The following NPAS3 variants were observed in gnomAD, a reference collection of about 807,000 sequenced individuals.
NPAS3 encodes neuronal PAS domain protein 3.
A neutral mutation model predicts 73.1 loss-of-function variants in NPAS3; 14 were observed. The ratio of observed to expected loss-of-function variants is 0.19; its 90% CI spans 0.13 to 0.30. NPAS3 has a LOEUF of 0.30. NPAS3 is among the 10% of genes least tolerant of loss of function. The pLI is 1.00. For missense variants in NPAS3, 1,096 were observed against 1,250.0 expected (o/e 0.88, Z 1.86); for synonymous variants, 620 against 541.5 (o/e 1.14, Z -2.01).
At chr14:33,219,658 T>A (rs541058329) in intron 3 of NPAS3, among the ~76,000 whole-genome samples, 1 of 152,276 alleles carries the variant, frequency 6.6e-6, no homozygotes, top group African/African-American at 2.4e-5. Flanking sequence ...CTTGCAGGCT[T>A]GTATTTAAGC....
At position 33,568,883 on chromosome 14, in the gene NPAS3, C is replaced by T. The variant is rs190381675; in HGVS notation, c.558+8673C>T. Among the ~76,000 whole-genome samples the T allele has an allele frequency of 8.5e-5, 13 of 152,302 alleles. No homozygotes were observed. In the East Asian group the frequency reaches 2.5e-3, roughly 29 times the overall value. On this transcript the variant is annotated intron_variant, in intron 5 of 11. Transcript: ENST00000356141. ...GCTTTTTATCTTTCATCCTCACTCC[C>T]TTCTTTGGAATGACAGTCCAAAGAT... is the stretch of plus-strand genomic sequence containing the variant.
chr14:33,327,505 A>G lies in NPAS3; in HGVS notation c.386-39681A>G, dbSNP rs1489901020. Among the ~76,000 whole-genome samples the G allele has an allele frequency of 3.9e-5, 6 of 152,248 alleles. No homozygotes were observed. The East Asian group carries it at 1.2e-3, about 29-fold the overall frequency. Reference sequence around the variant, plus strand: ...AGGAAGTGGTCTGTTCCTCTGGGATATGGTGCAGGAAACTTAAAGCATATA... The same window carrying G: ...AGGAAGTGGTCTGTTCCTCTGGGATGTGGTGCAGGAAACTTAAAGCATATA... On this transcript the variant is annotated intron_variant, in intron 3 of 11. Coordinates refer to ENST00000356141, the Ensembl canonical transcript of NPAS3.
intron 5 of NPAS3, among the ~76,000 whole-genome samples, chr14:33,612,818 G>C (rs1441279627): frequency 6.6e-6 from 1 of 152,094 alleles, no homozygotes; most frequent in Non-Finnish European, 1.5e-5. Flanking sequence ...TCCTAGGATG[G>C]GAAATCTGAG....
chr14:33,539,927 C>T (rs2054433662), intron 4 of NPAS3, among the ~76,000 whole-genome samples: 1 of 152,192 alleles, frequency 6.6e-6, no homozygotes, highest in African/African-American at 2.4e-5. Context: ...TAAATTTCCT[C>T]AAACTTGACC....
Position 33,794,056 on chromosome 14 carries a change from ACTT to A in NPAS3, c.1301+16_1301+18del, listed in dbSNP as rs1566549070. On this transcript the variant is annotated intron_variant, in intron 10 of 11. Coordinates refer to ENST00000356141, the Ensembl canonical transcript of NPAS3. ...AATTACCTTCTTAGGTATATTTTCTACTTCTTTTCTATTTCTGTCCTGGTTATA... is the reference window on the plus strand; with the variant it reads ...AATTACCTTCTTAGGTATATTTTCTACTTTTCTATTTCTGTCCTGGTTATA... The A allele has an allele frequency of 9.3e-6, 15 of 1,607,152 alleles. No individual in the cohort carries two copies. Among genetic ancestry groups the A allele is most frequent in the Non-Finnish European group, 1.3e-5 (15 of 1,176,114 alleles).
intron 2 of NPAS3, among the ~76,000 whole-genome samples, chr14:33,208,395 C>A (rs1054559883): frequency 1.1e-4 from 17 of 151,960 alleles, no homozygotes; most frequent in Non-Finnish European, 2.1e-4. Context: ...TGGCTAAAAC[C>A]AATTAATTTA....
intron 2 of NPAS3, among the ~76,000 whole-genome samples, chr14:33,170,150 C>T (rs1272050010): frequency 1.3e-5 from 2 of 152,184 alleles, no homozygotes; most frequent in Non-Finnish European, 2.9e-5. Flanking sequence ...AGAGATAATG[C>T]AGGTTCAGTT....
At chr14:33,680,622 G>A (rs574247993) in intron 6 of NPAS3, 30 of 702,624 alleles carry the variant, frequency 4.3e-5, no homozygotes, top group Non-Finnish European at 6.2e-5. Flanking sequence ...TCCCACCAGC[G>A]AGTGATCAGT....
chr14:33,722,362 G>C lies in NPAS3; in HGVS notation c.734-12852G>C, dbSNP rs373407813. Among the ~76,000 whole-genome samples the C allele has an allele frequency of 3.3e-4, 50 of 152,238 alleles. 2 individuals are homozygous for C. The South Asian group carries it at 7.1e-3, about 21-fold the overall frequency. On this transcript the variant is annotated intron_variant, in intron 6 of 11. Transcript: ENST00000356141. ...TTTACCTTTTTTAACTTAAGGAAAG[G>C]GGGGGTAATTCTAGGGCAAGAATAA...
intron 6 of NPAS3, among the ~76,000 whole-genome samples, chr14:33,678,576 T>C (rs73254802): frequency 0.052 from 7,855 of 152,184 alleles, 683 homozygotes; most frequent in African/African-American, 0.18. Context: ...CACAGCCCTC[T>C]AGATATATTC....
chr14:32,966,300 A>G (rs373523710), intron 1 of NPAS3, among the ~76,000 whole-genome samples: 3 of 152,202 alleles, frequency 2.0e-5, no homozygotes, highest in Non-Finnish European at 4.4e-5. Flanking sequence ...ACTTTAAAAT[A>G]TACTACAAAA....
intron 4 of NPAS3, among the ~76,000 whole-genome samples, chr14:33,414,321 C>A (rs1015330150): frequency 1.3e-5 from 2 of 152,056 alleles, no homozygotes; most frequent in African/African-American, 2.4e-5. Context: ...AAGTAGAAAT[C>A]TTTGTCAGTG....
At chr14:33,164,783 G>T (rs561797657) in intron 2 of NPAS3, among the ~76,000 whole-genome samples, 2 of 151,756 alleles carry the variant, frequency 1.3e-5, no homozygotes, top group East Asian at 3.9e-4. Flanking sequence ...AAGAGGCAGA[G>T]CCAGGGTGCT....
At chr14:33,109,004 T>G (rs981106094) in intron 2 of NPAS3, among the ~76,000 whole-genome samples, 1 of 152,198 alleles carries the variant, frequency 6.6e-6, no homozygotes, top group African/African-American at 2.4e-5. Context: ...AGATTTTGTT[T>G]TATCTTGTTT....
rs543594372 is a variant in NPAS3 at position 33,070,573 on chromosome 14, C to T, written c.140+14579C>T. On this transcript the variant is annotated intron_variant, in intron 2 of 11. Transcript: ENST00000356141. The stretch of plus-strand genomic sequence containing the variant: ...ACAGGTAAATATTGAACAGGGAAGC[C>T]CTTTTGATTAACTTTGTGGATCATT... Among the ~76,000 whole-genome samples the T allele has an allele frequency of 2.8e-4, 43 of 152,216 alleles. No homozygotes were observed. The South Asian group carries it at 8.3e-3, about 29-fold the overall frequency.
At chr14:33,315,508 G>T (rs892361630) in intron 3 of NPAS3, among the ~76,000 whole-genome samples, 1 of 55,920 alleles carries the variant, frequency 1.8e-5, no homozygotes, top group Non-Finnish European at 3.7e-5. Context: ...GAGTGTGTCG[G>T]GGGGGGAGTG....
intron 3 of NPAS3, among the ~76,000 whole-genome samples, chr14:33,274,962 T>C (rs1446065423): frequency 1.3e-5 from 2 of 152,222 alleles, no homozygotes; most frequent in African/African-American, 4.8e-5. Flanking sequence ...AGATGCACGA[T>C]AGTGGCAGTG....
At chr14:33,151,139 C>A (rs1566613800) in intron 2 of NPAS3, among the ~76,000 whole-genome samples, 1 of 152,100 alleles carries the variant, frequency 6.6e-6, no homozygotes, top group East Asian at 1.9e-4. Flanking sequence ...ATGCAAAATG[C>A]CATTCAGAGG....
At chr14:33,197,601 A>G (rs2046418653) in intron 2 of NPAS3, among the ~76,000 whole-genome samples, 1 of 152,170 alleles carries the variant, frequency 6.6e-6, no homozygotes, top group Non-Finnish European at 1.5e-5. Flanking sequence ...AATAAAGGTA[A>G]AAGGTCAAAA....
Sources: allele counts gnomAD v4.1 joint callset (sites outside exome capture counted in the v4.1 genomes callset), GRCh38; gene constraint gnomAD v4.1.1; transcripts MANE v1.5; gene names NCBI Gene and HGNC (gene_info 2026-07-23, HGNC 2026-07-21).